RBFOX1: variants seen among roughly 807,000 people sequenced by gnomAD.
The protein encoded by RBFOX1 is RNA binding fox-1 homolog 1, also known as RNA binding protein fox-1 homolog 1.
RBFOX1 carries 8 observed loss-of-function variants against 57.7 expected under a neutral mutation model. The observed-to-expected ratio is 0.14, with a 90% CI of 0.08 to 0.25. The LOEUF is 0.25. Ranked by LOEUF, RBFOX1 falls within the 10% of genes least tolerant of loss-of-function variation. The probability of loss-of-function intolerance (pLI) is 1.00; values close to 1 mark genes in which losing one functional copy is unlikely to be tolerated. For missense variants in RBFOX1, 611 were observed against 548.5 expected, an observed-to-expected ratio of 1.11 and a Z score of -1.14; for synonymous variants, 326 against 222.4, an observed-to-expected ratio of 1.47 and a Z score of -4.15.
rs150247952 is a variant in RBFOX1 at position 7,116,286 on chromosome 16, A to G, written c.27+64188A>G. 3.5e-3 allele frequency among the ~76,000 whole-genome samples: 528 copies of G among 152,272 alleles called. 1 individual carries two copies. The highest frequency in any genetic ancestry group is 0.012 in the African/African-American group (481 of 41,542). On this transcript the variant is annotated intron_variant, in intron 4 of 15. Transcript: ENST00000550418. ...AAATCCTGGCTATCCGAGCTGCTCT[A>G]TCTGCCTCTGAAAGCCTAGGAGTAA...
rs2096719890 is a variant in RBFOX1, at chr16:6,142,017, C to A, written c.-127+122025C>A. On this transcript the variant is annotated intron_variant, in intron 1 of 15. Transcript: ENST00000550418. ...GAGGTTGCAGTGAGCTGAGATCATGCCACTGCAGTCCAGCCTGGGTGAGCT... is the reference window on the plus strand; with the variant it reads ...GAGGTTGCAGTGAGCTGAGATCATGACACTGCAGTCCAGCCTGGGTGAGCT... Among the ~76,000 whole-genome samples the A allele has an allele frequency of 4.0e-5, 6 of 150,526 alleles. No individual in the cohort carries two copies. In the South Asian group the frequency reaches 1.3e-3, roughly 32 times the overall value.
At chr16:7,228,855 G>C (rs574396474) in intron 4 of RBFOX1, among the ~76,000 whole-genome samples, 1 of 152,318 alleles carries the variant, frequency 6.6e-6, no homozygotes, top group South Asian at 2.1e-4. Flanking sequence ...AAAATGAAAA[G>C]TGAGTGTTTT....
intron 3 of RBFOX1, among the ~76,000 whole-genome samples, chr16:6,782,991 C>G (rs907122707): frequency 3.9e-5 from 6 of 152,012 alleles, no homozygotes; most frequent in African/African-American, 1.4e-4. Context: ...TAATGACCTT[C>G]TTTGTCTCTT....
rs1567405651 is a variant in RBFOX1, at chr16:6,487,731, ATATATATATATATATATATAT to A, written c.-63-166871_-63-166851del. ...TATATATATATATATATATATATAT[ATATATATATATATATATATAT>A]ATAAAATATTATGCAGTGATGGGCA... On this transcript the variant is annotated intron_variant, in intron 2 of 15. Coordinates refer to ENST00000550418, the MANE Select transcript of RBFOX1 (RefSeq NM_018723.4). 1.2e-4 allele frequency among the ~76,000 whole-genome samples: 6 copies of A among 51,804 alleles called. 1 individual carries two copies. Among genetic ancestry groups the A allele is most frequent in the Non-Finnish European group, 1.6e-4 (4 of 25,124 alleles). The allele number at this position is 51,804 out of a possible 152,430, so 34.0% of individuals were successfully genotyped here.
In RBFOX1 at chr16:5,432,285, A is replaced by G. The variant is rs532291098; in HGVS notation, c.220-34931A>G. On this transcript the variant is annotated intron_variant, in intron 1 of 2. Coordinates refer to the RBFOX1 transcript ENST00000585867. ...ATGGTTACAGTAAAAATGAGATGAA[A>G]TGGGAAAAGGCAGGCCTCGCCGCAA... Among the ~76,000 whole-genome samples, 10 of 151,860 alleles carry G rather than the reference A, an allele frequency of 6.6e-5. No homozygotes were observed. In the South Asian group the frequency reaches 1.5e-3, roughly 22 times the overall value.
At chr16:6,786,346 A>C (rs2081960838) in intron 3 of RBFOX1, among the ~76,000 whole-genome samples, 1 of 152,114 alleles carries the variant, frequency 6.6e-6, no homozygotes, top group African/African-American at 2.4e-5. Context: ...GTACCCCCAC[A>C]ATGAGGAGAG....
chr16:5,813,632 G>T (rs890725290), intron 3 of RBFOX1, among the ~76,000 whole-genome samples: 1 of 152,166 alleles, frequency 6.6e-6, no homozygotes, highest in Non-Finnish European at 1.5e-5. Context: ...AGTTTTAAGT[G>T]TTCTTTATAT....
At chr16:6,902,485 G>A (rs964467505) in intron 3 of RBFOX1, among the ~76,000 whole-genome samples, 1 of 152,146 alleles carries the variant, frequency 6.6e-6, no homozygotes, top group Admixed American at 6.5e-5. Context: ...ACTTTGAGAG[G>A]CAGGGTGGGG....
chr16:5,503,346 CTCT>C (rs2043264662), intron 2 of RBFOX1, among the ~76,000 whole-genome samples: 1 of 152,244 alleles, frequency 6.6e-6, no homozygotes, highest in South Asian at 2.1e-4. Flanking sequence ...TCCCTCACCC[CTCT>C]TCTTTTTGGA....
intron 4 of RBFOX1, among the ~76,000 whole-genome samples, chr16:7,474,721 T>C (rs1038103420): frequency 6.6e-6 from 1 of 152,212 alleles, no homozygotes; most frequent in African/African-American, 2.4e-5. Flanking sequence ...TCTTAATTTT[T>C]CTTCTGTAAA....
intron 1 of RBFOX1, among the ~76,000 whole-genome samples, chr16:6,124,993 C>T (rs373367466): frequency 7.2e-5 from 11 of 152,268 alleles, no homozygotes; most frequent in East Asian, 1.9e-4. Context: ...GTTGAGCCAA[C>T]GCTTTGGAAG....
At chr16:7,160,032 G>T (rs1317030374) in intron 4 of RBFOX1, among the ~76,000 whole-genome samples, 1 of 152,056 alleles carries the variant, frequency 6.6e-6, no homozygotes, top group Non-Finnish European at 1.5e-5. Flanking sequence ...CATTATCTGT[G>T]CAACTGTGTC....
chr16:6,431,892 GC>G (rs1182663288), intron 2 of RBFOX1, among the ~76,000 whole-genome samples: 2 of 118,120 alleles, frequency 1.7e-5, no homozygotes, highest in Non-Finnish European at 3.6e-5. Flanking sequence ...ATGCTTGCTT[GC>G]TTGCTTTCTT....
intron 1 of RBFOX1, among the ~76,000 whole-genome samples, chr16:5,351,498 G>A (rs1280350294): frequency 6.6e-6 from 1 of 152,050 alleles, no homozygotes; most frequent in African/African-American, 2.4e-5. Flanking sequence ...CCTATTGATG[G>A]GTCTCAGGAG....
At chr16:6,543,350 T>A (rs112285220) in intron 2 of RBFOX1, among the ~76,000 whole-genome samples, 2 of 152,074 alleles carry the variant, frequency 1.3e-5, no homozygotes, top group Non-Finnish European at 2.9e-5. Context: ...AAGGGCAGAT[T>A]TCCACTGAGT....
chr16:6,595,510 TC>T (rs1420805579), intron 2 of RBFOX1, among the ~76,000 whole-genome samples: 2 of 152,232 alleles, frequency 1.3e-5, no homozygotes, highest in Non-Finnish European at 2.9e-5. Context: ...AAACAATGCT[TC>T]TATGAACATT....
At chr16:7,677,419 G>A (rs3826207) in intron 14 of RBFOX1, among the ~76,000 whole-genome samples, 75,009 of 151,928 alleles carry the variant, frequency 0.49, 18,794 homozygotes, top group Admixed American at 0.54. Context: ...ACATAAGCCA[G>A]CTTTTATTTG....
intron 2 of RBFOX1, among the ~76,000 whole-genome samples, chr16:6,465,047 A>G (rs1377421848): frequency 6.6e-6 from 1 of 152,226 alleles, no homozygotes; most frequent in African/African-American, 2.4e-5. Flanking sequence ...ATTATCGTGA[A>G]TTGTCCACAC....
At chr16:7,335,359 A>G (rs2096766765) in intron 4 of RBFOX1, among the ~76,000 whole-genome samples, 2 of 152,098 alleles carry the variant, frequency 1.3e-5, no homozygotes, top group Admixed American at 6.6e-5. Context: ...GCCAAAATAA[A>G]CCATGTGTAC....
Sources: gnomAD v4.1 joint callset for allele counts (sites outside exome capture counted in the v4.1 genomes callset) on GRCh38, gnomAD v4.1.1 for gene constraint, MANE v1.5 for transcripts, NCBI Gene and HGNC (gene_info 2026-07-23, HGNC 2026-07-21) for gene names.